PCCA: variants seen among roughly 807,000 people sequenced by gnomAD.
The protein encoded by PCCA is propionyl-CoA carboxylase alpha chain, mitochondrial.
Under a neutral mutation model 101.3 loss-of-function variants are expected in PCCA, and 74 were observed. The observed-to-expected ratio is 0.73, with a 90% CI of 0.61 to 0.89. PCCA has a LOEUF of 0.89. Ranked by LOEUF, PCCA falls within the 40% of genes least tolerant of loss-of-function variation. The pLI is 0.00. For missense variants in PCCA, 891 were observed against 907.0 expected (o/e 0.98, Z 0.23); for synonymous variants, 294 against 313.6 (o/e 0.94, Z 0.66).
intron 2 of PCCA, among the ~76,000 whole-genome samples, chr13:100,105,864 A>G (rs1319466082): frequency 6.7e-6 from 1 of 149,938 alleles, no homozygotes; most frequent in Non-Finnish European, 1.5e-5. Context: ...AAAAAAAAAA[A>G]AAAAAAAAAA....
chr13:100,272,817 T>A (rs2063384711), intron 11 of PCCA, among the ~76,000 whole-genome samples: 1 of 152,190 alleles, frequency 6.6e-6, no homozygotes, highest in Non-Finnish European at 1.5e-5. Flanking sequence ...ACATGAGCAA[T>A]GAGGATTGAT....
At chr13:100,346,342 G>A (rs2072217445) in intron 18 of PCCA, among the ~76,000 whole-genome samples, 1 of 152,142 alleles carries the variant, frequency 6.6e-6, no homozygotes, top group Non-Finnish European at 1.5e-5. Flanking sequence ...TGGCTTTGAG[G>A]TGTTCAAGAT....
intron 19 of PCCA, among the ~76,000 whole-genome samples, chr13:100,370,990 G>C (rs1430963912): frequency 6.6e-6 from 1 of 152,112 alleles, no homozygotes; most frequent in Non-Finnish European, 1.5e-5. Context: ...GAGTTCTTCT[G>C]TTTAATTTTT....
chr13:100,264,541 A>G (rs188681777), intron 10 of PCCA, among the ~76,000 whole-genome samples: 2 of 152,278 alleles, frequency 1.3e-5, no homozygotes, highest in Non-Finnish European at 2.9e-5. Context: ...TATCTTTGAG[A>G]TTCTTCCCTG....
chr13:100,107,279 G>A (rs532223891), intron 2 of PCCA, among the ~76,000 whole-genome samples: 1 of 152,198 alleles, frequency 6.6e-6, no homozygotes, highest in African/African-American at 2.4e-5. Flanking sequence ...TCTTATGTAT[G>A]TTCATGAGAA....
intron 21 of PCCA, among the ~76,000 whole-genome samples, chr13:100,477,665 T>A (rs1190050173): frequency 1.3e-5 from 2 of 152,138 alleles, no homozygotes; most frequent in African/African-American, 4.8e-5. Flanking sequence ...GTAATCCTTG[T>A]TGAATAGCAA....
At chr13:100,402,749 G>T (rs975747133) in intron 19 of PCCA, among the ~76,000 whole-genome samples, 1 of 152,152 alleles carries the variant, frequency 6.6e-6, no homozygotes, top group Non-Finnish European at 1.5e-5. Flanking sequence ...GGGGCAGGGG[G>T]GATGAGGCAG....
At chr13:100,221,693 A>G (rs1360834258) in intron 7 of PCCA, among the ~76,000 whole-genome samples, 2 of 151,962 alleles carry the variant, frequency 1.3e-5, no homozygotes, top group Non-Finnish European at 1.5e-5. Flanking sequence ...TATAGTTTCC[A>G]GATAAGCATT....
At chr13:100,129,108 CA>C (rs1199759384) in intron 4 of PCCA, among the ~76,000 whole-genome samples, 3 of 152,310 alleles carry the variant, frequency 2.0e-5, no homozygotes, top group Admixed American at 2.0e-4. Context: ...AATCCTCCTG[CA>C]GAAGCACAAG....
chr13:100,292,435 GA>G (rs1377901958), intron 12 of PCCA, among the ~76,000 whole-genome samples: 11 of 152,224 alleles, frequency 7.2e-5, no homozygotes, highest in African/African-American at 2.6e-4. Context: ...TGCTGTATAG[GA>G]TTGTCAGCAT....
chr13:100,138,129 G>T (rs756068291), intron 4 of PCCA, among the ~76,000 whole-genome samples: 7 of 151,530 alleles, frequency 4.6e-5, no homozygotes, highest in Admixed American at 1.3e-4. Context: ...TTGGCTTTTG[G>T]GCTACTGTTT....
intron 17 of PCCA, 36 bp downstream of exon 17, chr13:100,330,707 T>C (rs1340500984): frequency 1.6e-6 from 2 of 1,236,836 alleles, no homozygotes; most frequent in Non-Finnish European, 2.4e-6. Flanking sequence ...TGTTTTAAAG[T>C]TGTTATTTTT....
chr13:100,446,112 A>C (rs1323027056), intron 20 of PCCA, among the ~76,000 whole-genome samples: 1 of 152,004 alleles, frequency 6.6e-6, no homozygotes, highest in African/African-American at 2.4e-5. Flanking sequence ...CAGTCGGCTC[A>C]CTGCAACCTC....
At chr13:100,256,081 C>T (rs549899461) in intron 8 of PCCA, among the ~76,000 whole-genome samples, 1 of 152,132 alleles carries the variant, frequency 6.6e-6, no homozygotes, top group African/African-American at 2.4e-5. Context: ...AATCTTGGCT[C>T]ACTGCAATCT....
chr13:100,169,275 C>A (rs1221776593), intron 6 of PCCA, among the ~76,000 whole-genome samples: 1 of 151,914 alleles, frequency 6.6e-6, no homozygotes, highest in African/African-American at 2.4e-5. Flanking sequence ...AACCCCGTCT[C>A]TACTAATAAT....
At chr13:100,497,603 A>C (rs2085368012) in intron 21 of PCCA, among the ~76,000 whole-genome samples, 2 of 152,142 alleles carry the variant, frequency 1.3e-5, no homozygotes, top group African/African-American at 4.8e-5. Context: ...TTCAGATTAA[A>C]TTCATGCCAA....
chr13:100,328,995 T>C (rs1441939834), intron 16 of PCCA, among the ~76,000 whole-genome samples: 1 of 150,848 alleles, frequency 6.6e-6, no homozygotes, highest in Non-Finnish European at 1.5e-5. Flanking sequence ...CCTGGACTTT[T>C]TTTTTTTTTT....
chr13:100,360,789 A>C (rs1327451272), intron 18 of PCCA, among the ~76,000 whole-genome samples: 1 of 152,192 alleles, frequency 6.6e-6, no homozygotes, highest in Non-Finnish European at 1.5e-5. Context: ...CATATAATCA[A>C]GGAGTTGTGC....
At chr13:100,462,005 G>A (rs1006723727) in intron 21 of PCCA, among the ~76,000 whole-genome samples, 1 of 152,082 alleles carries the variant, frequency 6.6e-6, no homozygotes, top group Non-Finnish European at 1.5e-5. Flanking sequence ...AGCAGGTGGC[G>A]GTCACAGAGC....
Sources: allele counts gnomAD v4.1 joint callset (sites outside exome capture counted in the v4.1 genomes callset), GRCh38; gene constraint gnomAD v4.1.1; transcripts MANE v1.5; gene names NCBI Gene and HGNC (gene_info 2026-07-23, HGNC 2026-07-21).